The following HMGA2 variants were observed in gnomAD, a reference collection of about 807,000 sequenced individuals.
HMGA2 encodes the protein high mobility group AT-hook 2.
Under a neutral mutation model 19.1 loss-of-function variants are expected in HMGA2, and 8 were observed. The ratio of observed to expected loss-of-function variants is 0.42; its 90% confidence interval spans 0.25 to 0.76. The LOEUF is 0.76. Among genes scored for constraint, HMGA2 ranks in the 30% least tolerant of loss-of-function variants. The probability of loss-of-function intolerance (pLI) is 0.28; values close to 1 mark genes in which losing one functional copy is unlikely to be tolerated. For missense variants in HMGA2, 109 were observed against 136.3 expected, an observed-to-expected ratio of 0.80 and a Z score of 1.00; for synonymous variants, 60 against 48.8, an observed-to-expected ratio of 1.23 and a Z score of -0.96.
chr12:65,926,085 A>G (rs1875494056), intron 3 of HMGA2, among the ~76,000 whole-genome samples: 1 of 152,240 alleles, frequency 6.6e-6, no homozygotes, highest in African/African-American at 2.4e-5. Flanking sequence ...TGCTTAGAGC[A>G]AAATAAATTA....
intron 3 of HMGA2, among the ~76,000 whole-genome samples, chr12:65,838,998 C>CTTTTTTTTTTTTTTTCTTTTTTTTTTTTT: frequency 9.3e-6 from 1 of 107,214 alleles, no homozygotes; most frequent in African/African-American, 5.3e-5. Context: ...TTTTCTTTTT[C>CTTTTTTTTTTTTTTTCTTTTTTTTTTTTT]TTTTTTTTTT....
At chr12:65,857,879 G>C (rs1871826610) in intron 3 of HMGA2, 1 of 152,494 alleles carries the variant, frequency 6.6e-6, no homozygotes, top group Non-Finnish European at 1.5e-5. Flanking sequence ...TTTCCCTTCT[G>C]TCGTTTTGAT....
intron 3 of HMGA2, among the ~76,000 whole-genome samples, chr12:65,920,554 C>T (rs1461097287): frequency 6.6e-6 from 1 of 152,146 alleles, no homozygotes; most frequent in African/African-American, 2.4e-5. Context: ...AGGGACTCAG[C>T]AGGAGGTAAC....
chr12:65,868,204 AC>A (rs1227340622), intron 3 of HMGA2, among the ~76,000 whole-genome samples: 7 of 152,198 alleles, frequency 4.6e-5, no homozygotes, highest in Admixed American at 2.6e-4. Context: ...TCAAGGGGAA[AC>A]TAGTGGTTAA....
chr12:65,878,039 G>C (rs969977949), intron 3 of HMGA2, among the ~76,000 whole-genome samples: 1 of 152,142 alleles, frequency 6.6e-6, no homozygotes, highest in South Asian at 2.1e-4. Context: ...CCAAGGGTGA[G>C]GTGTCCTGGG....
intron 3 of HMGA2, among the ~76,000 whole-genome samples, chr12:65,909,735 C>A (rs1276627569): frequency 6.6e-6 from 1 of 152,194 alleles, no homozygotes; most frequent in Non-Finnish European, 1.5e-5. Context: ...AGTAGCACAT[C>A]CACGGGCATG....
intron 3 of HMGA2, among the ~76,000 whole-genome samples, chr12:65,930,859 T>C (rs981238525): frequency 6.6e-5 from 10 of 152,198 alleles, no homozygotes; most frequent in Admixed American, 5.2e-4. Flanking sequence ...AAGACATACA[T>C]ATTTTGCTTT....
chr12:65,929,314 C>T (rs910039282), intron 3 of HMGA2, among the ~76,000 whole-genome samples: 45 of 151,604 alleles, frequency 3.0e-4, no homozygotes, highest in African/African-American at 8.5e-4. Context: ...GTTCTTAGTG[C>T]ATTATGACTA....
intron 3 of HMGA2, among the ~76,000 whole-genome samples, chr12:65,876,648 A>T (rs1267111231): frequency 6.6e-6 from 1 of 152,232 alleles, no homozygotes; most frequent in African/African-American, 2.4e-5. Flanking sequence ...AAACCATAAA[A>T]TCATTTCACC....
At chr12:65,893,013 A>G (rs1873977523) in intron 3 of HMGA2, among the ~76,000 whole-genome samples, 1 of 152,162 alleles carries the variant, frequency 6.6e-6, no homozygotes, top group Non-Finnish European at 1.5e-5. Context: ...ACGGCAGTGT[A>G]TGGAAGTCCC....
At chr12:65,829,494 G>GT (rs1870380880) in intron 2 of HMGA2, among the ~76,000 whole-genome samples, 2 of 151,938 alleles carry the variant, frequency 1.3e-5, no homozygotes. Flanking sequence ...TCTATGTTGT[G>GT]TAAGTGTGGA....
In HMGA2 at chr12:65,872,740, T is replaced by G. The variant is rs151020055; in HGVS notation, c.249+34171T>G. On this transcript the variant is annotated intron_variant, in intron 3 of 4. Coordinates refer to ENST00000403681, the MANE Select transcript of HMGA2 (RefSeq NM_003483.6). ...TTCCTGCCGCCTCTACTTTTCTTTG[T>G]CCAGCTTACCTCCATTATCACTGCA... 3.3e-3 allele frequency among the ~76,000 whole-genome samples: 504 copies of G among 152,364 alleles called. 9 individuals carry two copies. Among genetic ancestry groups the G allele is most frequent in the East Asian group, 0.013 (65 of 5,190 alleles).
chr12:65,936,431 G>T (rs374120812), intron 3 of HMGA2, among the ~76,000 whole-genome samples: 3 of 152,206 alleles, frequency 2.0e-5, no homozygotes, highest in African/African-American at 2.4e-5. Context: ...ATCCTGTTCT[G>T]GTTGCCATAC....
chr12:65,900,840 A>T (rs1874342796), intron 3 of HMGA2, among the ~76,000 whole-genome samples: 1 of 152,192 alleles, frequency 6.6e-6, no homozygotes, highest in South Asian at 2.1e-4. Context: ...ACATTTTTAG[A>T]AAGTTTGAGA....
At chr12:65,867,520 A>T (rs1160370837) in intron 3 of HMGA2, 2 of 455,192 alleles carry the variant, frequency 4.4e-6, no homozygotes, top group East Asian at 1.4e-4. Context: ...AAAGACATAA[A>T]GGAATGAGAA....
intron 4 of HMGA2, chr12:65,956,355 AACCTCTG>A (rs1876605849): frequency 6.6e-6 from 1 of 152,240 alleles, no homozygotes; most frequent in African/African-American, 2.4e-5. Flanking sequence ...TTTTTGACTT[AACCTCTG>A]ACCTCTGACA....
At chr12:65,853,773 GTGCTCAATAAATTCAGT>G (rs571177677) in intron 3 of HMGA2, among the ~76,000 whole-genome samples, 1 of 152,318 alleles carries the variant, frequency 6.6e-6, no homozygotes, top group African/African-American at 2.4e-5. Context: ...CGCATCGTGA[GTGCTCAATAAATTCAGT>G]TGCTTTTCCC....
At chr12:65,851,594 G>C (rs576687802) in intron 3 of HMGA2, 1 of 426,672 alleles carries the variant, frequency 2.3e-6, no homozygotes, top group Admixed American at 2.5e-5. Context: ...CTTGAACTCA[G>C]GAGGCGGAGT....
intron 3 of HMGA2, among the ~76,000 whole-genome samples, chr12:65,849,326 G>T (rs970424666): frequency 6.6e-6 from 1 of 152,142 alleles, no homozygotes; most frequent in African/African-American, 2.4e-5. Context: ...TATGAACATG[G>T]CCATCTCTGT....
Sources: gnomAD v4.1 joint callset for allele counts (sites outside exome capture counted in the v4.1 genomes callset) on GRCh38, gnomAD v4.1.1 for gene constraint, MANE v1.5 for transcripts, NCBI Gene and HGNC (gene_info 2026-07-23, HGNC 2026-07-21) for gene names.